The following SLC7A1 variants were observed in gnomAD, a reference collection of about 807,000 sequenced individuals.
SLC7A1 encodes solute carrier family 7 member 1.
A neutral mutation model predicts 53.9 loss-of-function variants in SLC7A1; 10 were observed. The ratio of observed to expected loss-of-function variants is 0.19; its 90% CI spans 0.11 to 0.31. The LOEUF (loss-of-function observed/expected upper bound fraction) is 0.31. Ranked by LOEUF, SLC7A1 falls within the 10% of genes least tolerant of loss-of-function variation. The pLI is 1.00. For missense variants in SLC7A1, 525 were observed against 827.2 expected, an observed-to-expected ratio of 0.63 and a Z score of 4.48; for synonymous variants, 342 against 338.7, an observed-to-expected ratio of 1.01 and a Z score of -0.11.
At chr13:29,586,135 C>T (rs1048253836) in intron 1 of SLC7A1, among the ~76,000 whole-genome samples, 3 of 152,194 alleles carry the variant, frequency 2.0e-5, no homozygotes, top group Non-Finnish European at 2.9e-5. Context: ...ATATAAATGT[C>T]AAAGTCACCC....
At chr13:29,543,177 G>A (rs1869743278) in intron 2 of SLC7A1, among the ~76,000 whole-genome samples, 1 of 152,172 alleles carries the variant, frequency 6.6e-6, no homozygotes. Context: ...GGTCCCAAAG[G>A]AGAGTGTGGG....
At chr13:29,554,473 T>A (rs569904730) in intron 1 of SLC7A1, among the ~76,000 whole-genome samples, 1 of 152,268 alleles carries the variant, frequency 6.6e-6, no homozygotes, top group South Asian at 2.1e-4. Flanking sequence ...CCTTGTTGCC[T>A]TGGAATGGAA....
chr13:29,555,482 T>C (rs960140369), intron 1 of SLC7A1, among the ~76,000 whole-genome samples: 1 of 149,146 alleles, frequency 6.7e-6, no homozygotes, highest in Non-Finnish European at 1.5e-5. Flanking sequence ...CAAATGTCCC[T>C]AACTGTCAGT....
At chr13:29,587,753 T>A (rs1214661272) in intron 1 of SLC7A1, among the ~76,000 whole-genome samples, 1 of 152,214 alleles carries the variant, frequency 6.6e-6, no homozygotes, top group Non-Finnish European at 1.5e-5. Flanking sequence ...GCTGGTTAAG[T>A]CTGCCTGCTC....
At chr13:29,524,395 G>T in intron 5 of SLC7A1, 142 bp from the exon 6 acceptor site, 1 of 1,045,906 alleles carries the variant, frequency 9.6e-7, no homozygotes, top group Non-Finnish European at 1.4e-6. Flanking sequence ...TTCAGACGCT[G>T]AGTCCAGCCA....
At chr13:29,563,580 G>T (rs1170222266) in intron 1 of SLC7A1, among the ~76,000 whole-genome samples, 1 of 152,198 alleles carries the variant, frequency 6.6e-6, no homozygotes, top group Non-Finnish European at 1.5e-5. Flanking sequence ...ACGAAGACAA[G>T]TTTCCCATCG....
At chr13:29,532,783 C>A in intron 4 of SLC7A1, 41 bp downstream of exon 4, 1 of 1,548,756 alleles carries the variant, frequency 6.5e-7, no homozygotes, top group Non-Finnish European at 8.8e-7. Context: ...AAACCTTTGC[C>A]CATCACTCTG....
At chr13:29,516,524 G>A (rs554368674) in intron 11 of SLC7A1, among the ~76,000 whole-genome samples, 20 of 152,318 alleles carry the variant, frequency 1.3e-4, no homozygotes, top group African/African-American at 4.6e-4. Context: ...TCTCTGTTGC[G>A]ATTCTCCTGC....
Position 29,536,082 on chromosome 13 carries a change from T to C in SLC7A1, c.107A>G (p.Asp36Gly). Residue 36 changes from aspartate (D) to glycine (G), a missense_variant, in exon 3 of 13, where the codon GAT becomes GGT. Asp to Gly is a moderately conservative substitution (Grantham distance 94). Transcript: ENST00000380752. The stretch of plus-strand genomic sequence containing the variant: ...GCTGCCCACCCCGAGGGCCACCAGA[T>C]CAAAAGTGTTCAGGCAGCGAGACAG... Reference protein sequence around the residue: ...TRLSRCLNTFDLVALGVGSTL... With the variant: ...TRLSRCLNTFGLVALGVGSTL... 1 of 1,613,842 alleles carries C rather than the reference T, an allele frequency of 6.2e-7. No homozygotes were observed. The highest frequency in any genetic ancestry group is 8.5e-7 in the Non-Finnish European group (1 of 1,180,004).
intron 2 of SLC7A1, among the ~76,000 whole-genome samples, chr13:29,537,945 G>T (rs551057948): frequency 1.3e-5 from 2 of 152,314 alleles, no homozygotes; most frequent in East Asian, 3.9e-4. Flanking sequence ...TGCCGGGCGG[G>T]CGCAGTGCAG....
chr13:29,520,708 A>C (rs376398451), intron 8 of SLC7A1, among the ~76,000 whole-genome samples: 2 of 152,248 alleles, frequency 1.3e-5, no homozygotes, highest in East Asian at 1.9e-4. Flanking sequence ...TTCCACAAAT[A>C]TCTCTCAAGC....
intron 2 of SLC7A1, among the ~76,000 whole-genome samples, chr13:29,541,673 T>C (rs1441840147): frequency 6.6e-6 from 1 of 152,212 alleles, no homozygotes; most frequent in African/African-American, 2.4e-5. Context: ...ATGAGTAACA[T>C]GCTCACTAAT....
Position 29,522,323 on chromosome 13 carries a change from C to G in SLC7A1, c.1183G>C (p.Val395Leu), listed in dbSNP as rs148568939. 1.1e-5 allele frequency: 17 copies of G among 1,614,060 alleles called. No homozygotes were observed. In the African/African-American group the frequency reaches 2.0e-4, roughly 19 times the overall value. ...PIIATLASGA[V>L]AAVMAFLFDL... Reference sequence around the variant, plus strand: ...AATGAGTTCTAGTACTCACCAGCAACGGCACCCGAGGCTAATGTGGCGATT... The same window carrying G: ...AATGAGTTCTAGTACTCACCAGCAAGGGCACCCGAGGCTAATGTGGCGATT... The change falls in exon 8 of 13, where the codon GTT becomes CTT. Residue 395 changes from valine to leucine, a missense_variant. This residue lies in a region of SLC7A1 where 354 missense variants were observed against 587.5 expected (regional missense o/e 0.60). Transcript: ENST00000380752.
intron 1 of SLC7A1, among the ~76,000 whole-genome samples, chr13:29,590,964 GC>G (rs1387053210): frequency 6.6e-6 from 1 of 152,044 alleles, no homozygotes; most frequent in Non-Finnish European, 1.5e-5. Flanking sequence ...ATAAAAATTA[GC>G]CGGGTGTGGT....
At chr13:29,586,155 A>G (rs1871875835) in intron 1 of SLC7A1, among the ~76,000 whole-genome samples, 1 of 152,266 alleles carries the variant, frequency 6.6e-6, no homozygotes. Flanking sequence ...CATTCACAGT[A>G]TAATTTGTAC....
chr13:29,587,067 C>T (rs547501282), intron 1 of SLC7A1, among the ~76,000 whole-genome samples: 11 of 152,080 alleles, frequency 7.2e-5, no homozygotes, highest in Non-Finnish European at 1.3e-4. Context: ...GGTCTGGGGC[C>T]GGAGTAGAAA....
At chr13:29,586,147 T>C (rs1566278833) in intron 1 of SLC7A1, among the ~76,000 whole-genome samples, 1 of 152,214 alleles carries the variant, frequency 6.6e-6, no homozygotes, top group Non-Finnish European at 1.5e-5. Context: ...AAGTCACCCA[T>C]TCACAGTATA....
chr13:29,521,814 T>A (rs545194864), intron 8 of SLC7A1, among the ~76,000 whole-genome samples: 1 of 152,262 alleles, frequency 6.6e-6, no homozygotes, highest in African/African-American at 2.4e-5. Context: ...CTATTACGTA[T>A]AAACTTAGGG....
intron 1 of SLC7A1, among the ~76,000 whole-genome samples, chr13:29,554,066 G>T (rs939524858): frequency 6.6e-6 from 1 of 152,232 alleles, no homozygotes; most frequent in Non-Finnish European, 1.5e-5. Flanking sequence ...TGGGGAGCCA[G>T]AATAGATGCC....
Sources: allele counts gnomAD v4.1 joint callset (sites outside exome capture counted in the v4.1 genomes callset), GRCh38; gene constraint gnomAD v4.1.1; regional missense constraint gnomAD v4.1.1; transcripts MANE v1.5; gene names NCBI Gene and HGNC (gene_info 2026-07-23, HGNC 2026-07-21).